The following UGGT2 variants were observed in gnomAD, a reference collection of about 807,000 sequenced individuals.
UGGT2 encodes UDP-glucose glycoprotein glucosyltransferase 2, also known as UDP-glucose:glycoprotein glucosyltransferase 2.
Under a neutral mutation model 192.1 loss-of-function variants are expected in UGGT2, and 180 were observed. That is an observed-to-expected ratio of 0.94 (90% CI 0.83 to 1.06). The LOEUF (loss-of-function observed/expected upper bound fraction) is 1.06. Ranked by LOEUF, UGGT2 falls within the 50% of genes least tolerant of loss-of-function variation. UGGT2 has a pLI of 0.00. For missense variants in UGGT2, 1,849 were observed against 1,795.7 expected, an observed-to-expected ratio of 1.03 and a Z score of -0.54; for synonymous variants, 580 against 591.0, an observed-to-expected ratio of 0.98 and a Z score of 0.27.
At chr13:95,969,972 G>T in intron 12 of UGGT2, 140 bp downstream of exon 12, 2 of 801,790 alleles carry the variant, frequency 2.5e-6, no homozygotes, top group Non-Finnish European at 2.0e-6. Context: ...GAGGAGATGG[G>T]TCTATAGTTT....
chr13:95,884,035 A>G (rs1594228836), intron 27 of UGGT2, among the ~76,000 whole-genome samples: 1 of 138,976 alleles, frequency 7.2e-6, no homozygotes, highest in South Asian at 2.3e-4. Flanking sequence ...TTTAGTTAGG[A>G]CTACTTTCTC....
At chr13:95,937,710 C>T (rs1031062628) in intron 16 of UGGT2, among the ~76,000 whole-genome samples, 1 of 152,126 alleles carries the variant, frequency 6.6e-6, no homozygotes, top group Non-Finnish European at 1.5e-5. Context: ...AGGAAGGGAT[C>T]ATACAGGTCT....
At chr13:95,871,427 C>T (rs1694366027) in intron 29 of UGGT2, among the ~76,000 whole-genome samples, 1 of 152,174 alleles carries the variant, frequency 6.6e-6, no homozygotes, top group Admixed American at 6.5e-5. Flanking sequence ...CACCACTACA[C>T]CCTGTGAGGA....
chr13:95,845,907 G>A (rs1464824707), intron 36 of UGGT2, among the ~76,000 whole-genome samples: 1 of 152,012 alleles, frequency 6.6e-6, no homozygotes, highest in Non-Finnish European at 1.5e-5. Context: ...TAGACGGGAT[G>A]AGGGCCGGGG....
chr13:95,965,248 C>T (rs61972935), intron 12 of UGGT2, among the ~76,000 whole-genome samples: 1 of 150,456 alleles, frequency 6.6e-6, no homozygotes, highest in South Asian at 2.1e-4. Flanking sequence ...TGGGTATATA[C>T]CCAAAGGACT....
chr13:95,883,922 A>C (rs749855389), intron 27 of UGGT2, among the ~76,000 whole-genome samples: 1 of 152,182 alleles, frequency 6.6e-6, no homozygotes, highest in African/African-American at 2.4e-5. Context: ...GAGGAAGAGA[A>C]GTCTGACTAC....
At chr13:95,842,409 C>A (rs183063843) in intron 36 of UGGT2, among the ~76,000 whole-genome samples, 2 of 152,134 alleles carry the variant, frequency 1.3e-5, no homozygotes, top group African/African-American at 2.4e-5. Context: ...ATAAATAATT[C>A]ATTCCTTTTT....
At position 95,925,738 on chromosome 13, in the gene UGGT2, A is replaced by G. The variant is rs2048995901; in HGVS notation, c.2237T>C (p.Ile746Thr). ...CCCAGAAGGCTTATCAAAATCTGCA[A>G]TAATCCAGAGAGTGACTGCAGAAAT... ...SIISAVTLWIIADFDKPSGRK... is the reference protein window; with the variant it reads ...SIISAVTLWITADFDKPSGRK... Residue 746 changes from isoleucine (I) to threonine (T), a missense_variant, in exon 20 of 39, where the codon ATT (isoleucine) becomes ACT (threonine). Ile to Thr is a moderately conservative substitution (Grantham distance 89, BLOSUM62 -1). Coordinates refer to ENST00000376747, the MANE Select transcript of UGGT2 (RefSeq NM_020121.4). 2 of 1,579,790 alleles carry G rather than the reference A, an allele frequency of 1.3e-6. No individual in the cohort carries two copies. Among genetic ancestry groups the G allele is most frequent in the East Asian group, 2.3e-5 (1 of 44,230 alleles).
At chr13:96,053,055 C>T in intron 1 of UGGT2, 100 bp downstream of exon 1, 1 of 1,373,662 alleles carries the variant, frequency 7.3e-7, no homozygotes, top group Non-Finnish European at 9.4e-7. Flanking sequence ...TCTGGAGAAC[C>T]CGGGTGGGAG....
chr13:95,847,141 T>C (rs1888555408), intron 36 of UGGT2, among the ~76,000 whole-genome samples: 1 of 41,132 alleles, frequency 2.4e-5, no homozygotes, highest in African/African-American at 6.6e-5. Flanking sequence ...AAATTAAAAA[T>C]TTTATTTTTT....
chr13:95,969,925 G>C (rs1425097186), intron 12 of UGGT2, among the ~76,000 whole-genome samples, 187 bp downstream of exon 12: 4 of 152,198 alleles, frequency 2.6e-5, no homozygotes, highest in African/African-American at 9.6e-5. Context: ...TGACAAAACA[G>C]AGACTATGAA....
At chr13:95,837,267 T>C in intron 36 of UGGT2, 65 bp from the exon 37 acceptor site, 1 of 1,101,866 alleles carries the variant, frequency 9.1e-7, no homozygotes, top group East Asian at 2.4e-5. Flanking sequence ...AGAAGCTGAA[T>C]GAAGTAAGAC....
intron 36 of UGGT2, among the ~76,000 whole-genome samples, chr13:95,852,287 T>C (rs1889129146): frequency 6.6e-6 from 1 of 152,156 alleles, no homozygotes; most frequent in Non-Finnish European, 1.5e-5. Flanking sequence ...TCCTCAAACA[T>C]GGAAGGCCCA....
At chr13:95,878,621 T>C (rs2047408264) in intron 27 of UGGT2, among the ~76,000 whole-genome samples, 1 of 152,192 alleles carries the variant, frequency 6.6e-6, no homozygotes, top group Non-Finnish European at 1.5e-5. Flanking sequence ...TAACTAAACA[T>C]GAAAATAAAT....
intron 36 of UGGT2, among the ~76,000 whole-genome samples, chr13:95,844,270 C>T (rs1467864358): frequency 2.0e-5 from 3 of 152,180 alleles, no homozygotes; most frequent in African/African-American, 4.8e-5. Flanking sequence ...CCTGTTTTGG[C>T]GATTTTAGGT....
chr13:95,927,099 G>A lies in UGGT2; in HGVS notation c.2129C>T (p.Thr710Ile), dbSNP rs867853037. Residue 710 changes from threonine to isoleucine, a missense_variant, in exon 19 of 39, where the codon ACT becomes ATT. Transcript: ENST00000376747. The stretch of plus-strand genomic sequence containing the variant: ...ATCTTGTGAATCCAAGAAAAAGAAA[G>A]TAGAGAAATCTTCAACATCAGCAGT... ...SVTADVEDFS[T>I]FFFLDSQDKS... 12 of 1,611,538 alleles carry A rather than the reference G, an allele frequency of 7.4e-6. No homozygotes were observed. The Middle Eastern group carries it at 2.0e-3, about 272-fold the overall frequency.
chr13:96,048,678 CA>C (rs1336475479), intron 1 of UGGT2, among the ~76,000 whole-genome samples: 3 of 152,132 alleles, frequency 2.0e-5, no homozygotes, highest in African/African-American at 7.2e-5. Context: ...CACAGAAATC[CA>C]AACTACCATC....
chr13:95,996,064 T>G lies in UGGT2; in HGVS notation c.829A>C (p.Lys277Gln), dbSNP rs760206874. ...EVQGFLFGKL[K>Q]EIYSDLRDNL... Reference sequence around the variant, plus strand: ...AATTTCATTTCCATTCAGACTTACTTTAGTTTCCCAAAGAGAAATCCTTGA... The same window carrying G: ...AATTTCATTTCCATTCAGACTTACTGTAGTTTCCCAAAGAGAAATCCTTGA... The change falls in exon 7 of 39, where the codon AAA (lysine) becomes CAA (glutamine). Residue 277 changes from lysine (K) to glutamine (Q), a missense_variant and splice_region_variant. Physicochemically the swap from Lys to Gln is moderately conservative, Grantham distance 53. Coordinates refer to ENST00000376747, the MANE Select transcript of UGGT2 (RefSeq NM_020121.4). 3 of 1,612,772 alleles carry G rather than the reference T, an allele frequency of 1.9e-6. No individual in the cohort carries two copies. In the Admixed American group the frequency reaches 5.0e-5, roughly 27 times the overall value.
chr13:95,894,595 C>G lies in UGGT2; in HGVS notation c.2822G>C (p.Arg941Pro), dbSNP rs200668883. The G allele has an allele frequency of 6.2e-7, 1 of 1,610,266 alleles. No individual in the cohort carries two copies. The highest frequency in any genetic ancestry group is 2.2e-5 in the East Asian group (1 of 44,710). ...CTCCCTAAGAAATGTGACATCATAT[C>G]GAGATGCACGCTTAGGCACAGAGGA... ...LMSSVPKRAS[R>P]YDVTFLRENH... Residue 941 changes from arginine (R) to proline (P), a missense_variant, in exon 24 of 39, where the codon CGA becomes CCA. By Grantham distance (103) the Arg-to-Pro change is moderately radical. Transcript: ENST00000376747.
Sources: gnomAD v4.1 joint callset for allele counts (sites outside exome capture counted in the v4.1 genomes callset) on GRCh38, gnomAD v4.1.1 for gene constraint, MANE v1.5 for transcripts, NCBI Gene and HGNC (gene_info 2026-07-23, HGNC 2026-07-21) for gene names.